The following SMAD9 variants were observed in gnomAD, a reference collection of about 807,000 sequenced individuals.
SMAD9 encodes the protein SMAD family member 9, also known as MAD homolog 9.
SMAD9 carries 36 observed loss-of-function variants against 46.1 expected under a neutral mutation model. The observed-to-expected ratio is 0.78, with a 90% CI of 0.60 to 1.03. The LOEUF is 1.03. Among genes scored for constraint, SMAD9 ranks in the 50% least tolerant of loss-of-function variants. The pLI, the probability that SMAD9 is intolerant of heterozygous loss-of-function variation, is 0.00. For synonymous variants in SMAD9, 245 were observed against 237.1 expected (o/e 1.03, Z -0.31); for missense variants, 572 against 599.8 (o/e 0.95, Z 0.48).
At chr13:36,918,345 T>C (rs1464706100) in intron 1 of SMAD9, among the ~76,000 whole-genome samples, 1 of 152,192 alleles carries the variant, frequency 6.6e-6, no homozygotes, top group Non-Finnish European at 1.5e-5. Flanking sequence ...GGCATTCTCT[T>C]AAGCATAGTT....
At chr13:36,899,976 C>G (rs934908254) in intron 1 of SMAD9, among the ~76,000 whole-genome samples, 1 of 152,118 alleles carries the variant, frequency 6.6e-6, no homozygotes, top group Non-Finnish European at 1.5e-5. Flanking sequence ...AAGCCAGAAG[C>G]CTTACAATGG....
intron 3 of SMAD9, among the ~76,000 whole-genome samples, chr13:36,869,980 T>A (rs1057092930): frequency 6.6e-6 from 1 of 152,208 alleles, no homozygotes; most frequent in African/African-American, 2.4e-5. Flanking sequence ...TTTTAAAAAA[T>A]TTAGAGGCTG....
At chr13:36,905,928 C>T (rs1021863335) in intron 1 of SMAD9, among the ~76,000 whole-genome samples, 1 of 151,982 alleles carries the variant, frequency 6.6e-6, no homozygotes, top group Admixed American at 6.6e-5. Context: ...GCTTCAGCCT[C>T]CCAAAGTGCT....
chr13:36,903,085 G>C (rs939535548), intron 1 of SMAD9, among the ~76,000 whole-genome samples: 3 of 151,210 alleles, frequency 2.0e-5, no homozygotes, highest in African/African-American at 7.3e-5. Flanking sequence ...CCTAGACCTT[G>C]GGCTCTAGTG....
chr13:36,916,881 C>G (rs982891092), intron 1 of SMAD9, among the ~76,000 whole-genome samples: 1 of 150,752 alleles, frequency 6.6e-6, no homozygotes, highest in Non-Finnish European at 1.5e-5. Flanking sequence ...GGTGGGGAAG[C>G]TGGGAAGGCC....
upstream of SMAD9, chr13:36,920,544 G>C (rs971530891): frequency 5.3e-5 from 8 of 152,160 alleles, no homozygotes; most frequent in African/African-American, 1.9e-4. Context: ...CCCCAGGCTC[G>C]GCCCCTGCCC....
chr13:36,881,132 G>T (rs1475161502), intron 1 of SMAD9, among the ~76,000 whole-genome samples: 1 of 152,210 alleles, frequency 6.6e-6, no homozygotes, highest in Non-Finnish European at 1.5e-5. Flanking sequence ...ATCCACAGGA[G>T]ATGTTCTTTC....
intron 1 of SMAD9, among the ~76,000 whole-genome samples, chr13:36,912,454 T>C (rs182139787): frequency 1.3e-5 from 2 of 152,198 alleles, no homozygotes; most frequent in East Asian, 3.9e-4. Context: ...AATCTAAACA[T>C]ATTATTATCA....
chr13:36,850,788 C>G (rs2058068259), intron 6 of SMAD9, among the ~76,000 whole-genome samples: 1 of 152,350 alleles, frequency 6.6e-6, no homozygotes, highest in South Asian at 2.1e-4. Context: ...AAACCTCTCT[C>G]CCCGAATCCA....
chr13:36,865,141 T>C (rs2058219872), intron 5 of SMAD9, among the ~76,000 whole-genome samples: 1 of 152,252 alleles, frequency 6.6e-6, no homozygotes. Context: ...AAAGGGAACT[T>C]CACCTGATAC....
At chr13:36,905,127 C>T (rs1368646932) in intron 1 of SMAD9, among the ~76,000 whole-genome samples, 1 of 152,128 alleles carries the variant, frequency 6.6e-6, no homozygotes, top group Non-Finnish European at 1.5e-5. Flanking sequence ...GTGCCACTGG[C>T]CTCTAGTGGG....
intron 2 of SMAD9, among the ~76,000 whole-genome samples, chr13:36,877,128 A>C (rs1003449280): frequency 2.6e-5 from 4 of 152,060 alleles, no homozygotes; most frequent in Non-Finnish European, 5.9e-5. Context: ...CTTTGGGAGG[A>C]CGAGGCAGGT....
chr13:36,865,779 G>A, intron 4 of SMAD9, 21 bp from the exon 5 acceptor site: 1 of 1,583,402 alleles, frequency 6.3e-7, no homozygotes, highest in Non-Finnish European at 8.7e-7. Flanking sequence ...ACAAACCAGA[G>A]AACACATGGC....
At chr13:36,862,879 T>C (rs551457151) in intron 5 of SMAD9, among the ~76,000 whole-genome samples, 15 of 152,256 alleles carry the variant, frequency 9.9e-5, no homozygotes, top group Middle Eastern at 3.4e-3. Context: ...GCTTTGTGTT[T>C]CTCTATTGGA....
chr13:36,905,611 C>CA (rs1266744150), intron 1 of SMAD9, among the ~76,000 whole-genome samples: 30 of 150,992 alleles, frequency 2.0e-4, no homozygotes, highest in Admixed American at 2.0e-3. Flanking sequence ...AAACGAAAAA[C>CA]AAAAAAACAA....
At chr13:36,882,443 T>C (rs2058412461) in intron 1 of SMAD9, among the ~76,000 whole-genome samples, 2 of 152,208 alleles carry the variant, frequency 1.3e-5, no homozygotes, top group African/African-American at 2.4e-5. Flanking sequence ...CCTTGGGGAA[T>C]TCCCAACTAG....
Position 36,901,203 on chromosome 13 carries a change from G to A in SMAD9, c.-187+18913C>T, listed in dbSNP as rs1481055473. 2.6e-5 allele frequency among the ~76,000 whole-genome samples: 4 copies of A among 152,290 alleles called. No individual in the cohort carries two copies. The East Asian group carries it at 7.7e-4, about 29-fold the overall frequency. ...CGAGCATATACCTAGGAGTGGAATTGCTGGGTCATACAGTAATTTTACTTT... is the reference window on the plus strand; with the variant it reads ...CGAGCATATACCTAGGAGTGGAATTACTGGGTCATACAGTAATTTTACTTT... On this transcript the variant is annotated intron_variant, in intron 1 of 6. Coordinates refer to ENST00000379826, the MANE Select transcript of SMAD9 (RefSeq NM_001127217.3).
chr13:36,855,993 C>T (rs935080585), intron 5 of SMAD9, among the ~76,000 whole-genome samples: 3 of 152,166 alleles, frequency 2.0e-5, no homozygotes, highest in African/African-American at 7.2e-5. Flanking sequence ...CGCTGTTACC[C>T]ACTCTCCTGA....
intron 1 of SMAD9, among the ~76,000 whole-genome samples, chr13:36,899,167 C>T (rs2058553594): frequency 6.6e-6 from 1 of 152,036 alleles, no homozygotes; most frequent in African/African-American, 2.4e-5. Flanking sequence ...AAAACATTTA[C>T]AATAGCTCAA....
Sources: gnomAD v4.1 joint callset for allele counts (sites outside exome capture counted in the v4.1 genomes callset) on GRCh38, gnomAD v4.1.1 for gene constraint, MANE v1.5 for transcripts, NCBI Gene and HGNC (gene_info 2026-07-23, HGNC 2026-07-21) for gene names.